MLLT10: variants seen among roughly 807,000 people sequenced by gnomAD.
The protein encoded by MLLT10 is MLLT10 histone lysine methyltransferase DOT1L cofactor, also known as protein AF-10.
In MLLT10, 30 loss-of-function variants were observed where a neutral mutation model predicts 129.1. The observed-to-expected ratio is 0.23, with a 90% CI of 0.17 to 0.32. The LOEUF (loss-of-function observed/expected upper bound fraction) is 0.32. Ranked by LOEUF, MLLT10 falls within the 10% of genes least tolerant of loss-of-function variation. The pLI, the probability that MLLT10 is intolerant of heterozygous loss-of-function variation, is 1.00. For synonymous variants in MLLT10, 490 were observed against 446.4 expected, an observed-to-expected ratio of 1.10 and a Z score of -1.23; for missense variants, 1,119 against 1,268.3, an observed-to-expected ratio of 0.88 and a Z score of 1.79.
intron 9 of MLLT10, among the ~76,000 whole-genome samples, chr10:21,660,150 G>A (rs919219270): frequency 5.3e-5 from 8 of 151,552 alleles, no homozygotes; most frequent in East Asian, 2.0e-4. Flanking sequence ...ATAATTTTTT[G>A]TAGAGATAAG....
At position 21,534,694 on chromosome 10, in the gene MLLT10, G is replaced by T; in HGVS notation, c.50G>T (p.Ser17Ile). 4 of 1,613,282 alleles carry T rather than the reference G, an allele frequency of 2.5e-6. No individual in the cohort carries two copies. The highest frequency in any genetic ancestry group is 3.4e-6 in the Non-Finnish European group (4 of 1,179,478). ...PVSLEDEVSH[S>I]MKEMIGGCCV... ...TCACTGGAGGACGAGGTCTCCCATAGTATGAAGGAGATGATTGGAGGCTGT... is the reference window on the plus strand; with the variant it reads ...TCACTGGAGGACGAGGTCTCCCATATTATGAAGGAGATGATTGGAGGCTGT... Residue 17 changes from serine (S) to isoleucine (I), a missense_variant, in exon 2 of 23, where the codon AGT (serine) becomes ATT (isoleucine). Transcript: ENST00000307729.
intron 13 of MLLT10, among the ~76,000 whole-genome samples, chr10:21,683,451 A>G (rs2052956278): frequency 6.6e-6 from 1 of 152,216 alleles, no homozygotes; most frequent in South Asian, 2.1e-4. Flanking sequence ...GTTTAACATC[A>G]TCTTCAGTTT....
chr10:21,681,223 A>T, intron 11 of MLLT10, 109 bp from the exon 12 acceptor site: 1 of 1,418,082 alleles, frequency 7.1e-7, no homozygotes, highest in Non-Finnish European at 9.8e-7. Context: ...TGGCCTACTT[A>T]ACTACACTTT....
intron 13 of MLLT10, among the ~76,000 whole-genome samples, chr10:21,683,633 G>A (rs1301445549): frequency 6.6e-6 from 1 of 152,180 alleles, no homozygotes; most frequent in Non-Finnish European, 1.5e-5. Context: ...TACCCTGTGG[G>A]TGATTGAGGG....
Position 21,653,373 on chromosome 10 carries a change from A to AG in MLLT10, c.795+1607dup, listed in dbSNP as rs1311800351. ...GGTGCCCACTTCTTTGCTGCCTGTC[A>AG]GGTGGGGATCAGCCCTTGGCTTCTA... is the stretch of plus-strand genomic sequence containing the variant. On this transcript the variant is annotated intron_variant, in intron 9 of 22. Coordinates refer to ENST00000307729, the MANE Select transcript of MLLT10 (RefSeq NM_001195626.3). 2.0e-5 allele frequency among the ~76,000 whole-genome samples: 3 copies of AG among 152,188 alleles called. No homozygotes were observed. In the South Asian group the frequency reaches 6.2e-4, roughly 32 times the overall value.
At chr10:21,592,527 C>G (rs2042608107) in intron 4 of MLLT10, among the ~76,000 whole-genome samples, 1 of 151,742 alleles carries the variant, frequency 6.6e-6, no homozygotes, top group African/African-American at 2.4e-5. Flanking sequence ...GCGATCTCGA[C>G]TCACTGCAGG....
At chr10:21,717,134 TC>T (rs1311454613) in intron 14 of MLLT10, among the ~76,000 whole-genome samples, 1 of 149,922 alleles carries the variant, frequency 6.7e-6, no homozygotes, top group East Asian at 2.0e-4. Context: ...ATGCCTGTAA[TC>T]CCAGCTACTC....
At chr10:21,673,317 AC>A (rs2051695002) in intron 10 of MLLT10, 32 bp from the exon 11 acceptor site, 26 of 175,744 alleles carry the variant, frequency 1.5e-4, no homozygotes, top group East Asian at 3.1e-4. Flanking sequence ...CCACCCCCCA[AC>A]TTTTTTTTTT....
chr10:21,673,456 TTAC>T lies in MLLT10; in HGVS notation c.1160_1162del (p.Tyr387del). On this transcript the variant is annotated inframe_deletion, in exon 11 of 23. Transcript: ENST00000307729. Reference sequence around the variant, plus strand: ...CAGACTCAGATCTGCGTAATGACAGTTACTCTCACTCCCAACAGTCATCAGCAA... The same window carrying T: ...CAGACTCAGATCTGCGTAATGACAGTTCTCACTCCCAACAGTCATCAGCAA... 1 of 1,613,850 alleles carries T rather than the reference TTAC, an allele frequency of 6.2e-7. No homozygotes were observed. Among genetic ancestry groups the T allele is most frequent in the Non-Finnish European group, 8.5e-7 (1 of 1,179,968 alleles).
chr10:21,604,157 A>C (rs1464838330), intron 5 of MLLT10, among the ~76,000 whole-genome samples: 1 of 152,168 alleles, frequency 6.6e-6, no homozygotes, highest in Non-Finnish European at 1.5e-5. Context: ...AGTAGTCCCC[A>C]AAACTGTTAA....
chr10:21,683,924 A>G (rs1226376067), intron 13 of MLLT10, among the ~76,000 whole-genome samples: 4 of 151,964 alleles, frequency 2.6e-5, no homozygotes, highest in African/African-American at 9.7e-5. Context: ...CTTACCTAAG[A>G]TGGATGGTTG....
chr10:21,741,300 TTTC>T (rs1414346894), intron 22 of MLLT10, among the ~76,000 whole-genome samples: 2 of 152,208 alleles, frequency 1.3e-5, no homozygotes, highest in Non-Finnish European at 2.9e-5. Context: ...ACCAAGTGTT[TTTC>T]TTGTGTTAAG....
chr10:21,537,040 G>A (rs960230211), intron 2 of MLLT10, among the ~76,000 whole-genome samples: 1 of 151,970 alleles, frequency 6.6e-6, no homozygotes, highest in Non-Finnish European at 1.5e-5. Flanking sequence ...TGCCTGCCTT[G>A]GCCTTCCAAA....
chr10:21,726,342 AAAC>A lies in MLLT10; in HGVS notation c.1980_1982del (p.Asn661del). ...TGGCAGCTCTTATAGCTCAGTCTGA[AAAC>A]AATCAAACAGGTAAGTTTTCAAGAA... On this transcript the variant is annotated inframe_deletion, in exon 15 of 23. Coordinates refer to ENST00000307729, the MANE Select transcript of MLLT10 (RefSeq NM_001195626.3). 6.2e-7 allele frequency: 1 copy of A among 1,607,322 alleles called. No homozygotes were observed. Among genetic ancestry groups the A allele is most frequent in the Non-Finnish European group, 8.5e-7 (1 of 1,174,452 alleles).
chr10:21,669,669 T>C (rs1055519743), intron 9 of MLLT10, among the ~76,000 whole-genome samples: 1 of 152,176 alleles, frequency 6.6e-6, no homozygotes, highest in African/African-American at 2.4e-5. Context: ...CAAAACATGG[T>C]GATTAATGTG....
intron 13 of MLLT10, among the ~76,000 whole-genome samples, chr10:21,698,147 C>A (rs546587525): frequency 4.6e-5 from 7 of 152,276 alleles, no homozygotes; most frequent in African/African-American, 1.4e-4. Context: ...TTCTGTCGAA[C>A]ATTAAAACTT....
chr10:21,741,273 T>C (rs899774997), intron 22 of MLLT10, among the ~76,000 whole-genome samples: 2 of 77,698 alleles, frequency 2.6e-5, no homozygotes, highest in Non-Finnish European at 4.6e-5. Context: ...GTAGTATTTT[T>C]TCCCCCCCAG....
At chr10:21,583,539 A>G (rs867481175) in intron 3 of MLLT10, among the ~76,000 whole-genome samples, 2 of 152,284 alleles carry the variant, frequency 1.3e-5, no homozygotes, top group Middle Eastern at 3.4e-3. Context: ...AAAGAGGTTT[A>G]TTTGGTTCAC....
chr10:21,571,402 A>G (rs2040190758), intron 3 of MLLT10, among the ~76,000 whole-genome samples: 1 of 151,944 alleles, frequency 6.6e-6, no homozygotes, highest in Non-Finnish European at 1.5e-5. Flanking sequence ...TTCCAGCTTC[A>G]TTTCCTCAAC....
Sources: gnomAD v4.1 joint callset for allele counts (sites outside exome capture counted in the v4.1 genomes callset) on GRCh38, gnomAD v4.1.1 for gene constraint, MANE v1.5 for transcripts, NCBI Gene and HGNC (gene_info 2026-07-23, HGNC 2026-07-21) for gene names.